The following FBXO11 variants were observed in gnomAD, a reference collection of about 807,000 sequenced individuals.
FBXO11 encodes the protein F-box protein 11, also known as F-box only protein 11.
FBXO11 carries 13 observed loss-of-function variants against 117.0 expected under a neutral mutation model. The observed-to-expected ratio is 0.11, with a 90% confidence interval of 0.07 to 0.18. The LOEUF (loss-of-function observed/expected upper bound fraction) is 0.18, where lower values mean the gene tolerates loss of function less well. Ranked by LOEUF, FBXO11 falls within the 10% of genes least tolerant of loss-of-function variation. The probability of loss-of-function intolerance (pLI) is 1.00; values close to 1 mark genes in which losing one functional copy is unlikely to be tolerated. For synonymous variants in FBXO11, 490 were observed against 380.5 expected (o/e 1.29, Z -3.35); for missense variants, 767 against 1,164.4 (o/e 0.66, Z 4.97).
chr2:47,808,458 C>G (rs1411928396), intron 21 of FBXO11, 31 bp from the exon 22 acceptor site: 3 of 1,534,950 alleles, frequency 2.0e-6, no homozygotes, highest in Non-Finnish European at 2.6e-6. Flanking sequence ...TTACTTTTCT[C>G]AAACATGTCA....
At chr2:47,856,163 C>T (rs752686805) in intron 1 of FBXO11, among the ~76,000 whole-genome samples, 3 of 152,070 alleles carry the variant, frequency 2.0e-5, no homozygotes, top group Non-Finnish European at 4.4e-5. Flanking sequence ...TCAGAAAATG[C>T]AAGTACAACA....
chr2:47,889,646 T>A (rs530613909), intron 1 of FBXO11, among the ~76,000 whole-genome samples: 1 of 146,004 alleles, frequency 6.8e-6, no homozygotes, highest in Admixed American at 6.8e-5. Context: ...TTTTTTTTTT[T>A]AACCAATAAT....
chr2:47,810,717 G>T, intron 18 of FBXO11: 1 of 263,464 alleles, frequency 3.8e-6, no homozygotes, highest in Non-Finnish European at 7.1e-6. Flanking sequence ...GTGCATAGGT[G>T]ATTCTCAATG....
At chr2:47,851,188 G>A (rs115073198) in intron 1 of FBXO11, among the ~76,000 whole-genome samples, 5,636 of 152,114 alleles carry the variant, frequency 0.037, 157 homozygotes, top group Non-Finnish European at 0.055. Context: ...CCTAACCTTG[G>A]ACTCACAGAC....
chr2:47,898,881 G>A (rs1264215807), intron 1 of FBXO11, among the ~76,000 whole-genome samples: 1 of 151,982 alleles, frequency 6.6e-6, no homozygotes, highest in Non-Finnish European at 1.5e-5. Flanking sequence ...AATCAATTTT[G>A]AAATTTTTTT....
At chr2:47,872,276 A>AT (rs1675678540) in intron 1 of FBXO11, among the ~76,000 whole-genome samples, 2 of 152,234 alleles carry the variant, frequency 1.3e-5, no homozygotes, top group African/African-American at 2.4e-5. Context: ...CCTGGCAGTC[A>AT]TCAAGGGATG....
At position 47,813,880 on chromosome 2, in the gene FBXO11, T is replaced by A; in HGVS notation, c.2007-13A>T. On this transcript the variant is annotated splice_polypyrimidine_tract_variant and intron_variant, in intron 16 of 22. Coordinates refer to ENST00000403359, the MANE Select transcript of FBXO11 (RefSeq NM_001190274.2). ...GTTGCTTCCAGTCCTGTAAACAGAA[T>A]AGACAATAATACCATTTCAATAGCT... is the stretch of plus-strand genomic sequence containing the variant. 1.3e-6 allele frequency: 2 copies of A among 1,585,754 alleles called. No individual in the cohort carries two copies. Among genetic ancestry groups the A allele is most frequent in the Non-Finnish European group, 1.7e-6 (2 of 1,154,512 alleles).
intron 7 of FBXO11, 70 bp downstream of exon 7, chr2:47,834,509 G>C: frequency 8.3e-7 from 1 of 1,204,846 alleles, no homozygotes; most frequent in South Asian, 1.9e-5. Context: ...TAAGTCACTA[G>C]CATTTTTAAA....
At chr2:47,880,504 T>G (rs1288376260) in intron 1 of FBXO11, among the ~76,000 whole-genome samples, 2 of 152,220 alleles carry the variant, frequency 1.3e-5, no homozygotes, top group African/African-American at 4.8e-5. Flanking sequence ...AATCAGAATG[T>G]CCAGTGTTTT....
chr2:47,888,608 T>C lies in FBXO11; in HGVS notation c.232+16881A>G, dbSNP rs79072790. ...TCTTTTAAAAATTACTTTCAACCACTCTGAAAGGTTAACTTACTTTTAGGC... is the reference window on the plus strand; with the variant it reads ...TCTTTTAAAAATTACTTTCAACCACCCTGAAAGGTTAACTTACTTTTAGGC... On this transcript the variant is annotated intron_variant, in intron 1 of 22. Coordinates refer to ENST00000403359, the MANE Select transcript of FBXO11 (RefSeq NM_001190274.2). 4,930 of 890,422 alleles carry C rather than the reference T, an allele frequency of 5.5e-3. 222 individuals carry two copies. In the African/African-American group the frequency reaches 0.083, roughly 15 times the overall value. 55.2% of individuals were successfully genotyped at this position (890,422 alleles called of 1,614,324 possible).
chr2:47,815,669 G>C lies in FBXO11; in HGVS notation c.2007-1802C>G, dbSNP rs543457780. On this transcript the variant is annotated intron_variant, in intron 16 of 22. Transcript: ENST00000403359. ...ATTTCAGAGGACTTTAGCAAAGCCT[G>C]GTTGAAATTGGCCAAGTGTTAGAAG... Among the ~76,000 whole-genome samples, 4 of 152,328 alleles carry C rather than the reference G, an allele frequency of 2.6e-5. No homozygotes were observed. The South Asian group carries it at 6.2e-4, about 24-fold the overall frequency.
intron 1 of FBXO11, among the ~76,000 whole-genome samples, chr2:47,879,826 T>C (rs918054046): frequency 1.3e-5 from 2 of 152,224 alleles, no homozygotes; most frequent in African/African-American, 2.4e-5. Context: ...TTGACTACTT[T>C]AGATATCTCA....
At chr2:47,875,368 TCTC>T (rs1338231802) in intron 1 of FBXO11, among the ~76,000 whole-genome samples, 1 of 152,180 alleles carries the variant, frequency 6.6e-6, no homozygotes, top group Non-Finnish European at 1.5e-5. Context: ...AATTCGTATG[TCTC>T]CTAAATTTTT....
intron 1 of FBXO11, among the ~76,000 whole-genome samples, chr2:47,894,309 A>G (rs1389434687): frequency 6.6e-6 from 1 of 152,212 alleles, no homozygotes; most frequent in Non-Finnish European, 1.5e-5. Flanking sequence ...TTTTAAAATA[A>G]GCTTATTGTA....
chr2:47,815,479 G>A (rs1670944171), intron 16 of FBXO11, among the ~76,000 whole-genome samples: 1 of 152,174 alleles, frequency 6.6e-6, no homozygotes, highest in Non-Finnish European at 1.5e-5. Flanking sequence ...CAGGAACCAG[G>A]AGGGAAGGAC....
At chr2:47,904,047 T>C (rs1230542690) in intron 1 of FBXO11, among the ~76,000 whole-genome samples, 1 of 152,216 alleles carries the variant, frequency 6.6e-6, no homozygotes, top group Non-Finnish European at 1.5e-5. Flanking sequence ...CCTTTAACAG[T>C]GACTGGTGAA....
At chr2:47,847,754 C>T (rs962032195) in intron 1 of FBXO11, among the ~76,000 whole-genome samples, 1 of 151,616 alleles carries the variant, frequency 6.6e-6, no homozygotes, top group African/African-American at 2.4e-5. Flanking sequence ...GGACCACCAT[C>T]ATATACAGTC....
chr2:47,888,151 T>G (rs1277763647), intron 1 of FBXO11, among the ~76,000 whole-genome samples: 1 of 152,150 alleles, frequency 6.6e-6, no homozygotes, highest in Non-Finnish European at 1.5e-5. Flanking sequence ...TCTGAGAGAG[T>G]ATTCCATGCT....
intron 1 of FBXO11, among the ~76,000 whole-genome samples, chr2:47,855,151 A>G (rs1452272998): frequency 3.9e-5 from 6 of 152,092 alleles, no homozygotes; most frequent in Admixed American, 1.3e-4. Context: ...TTCAATTTCT[A>G]ATGTTTAAAA....
Sources: allele counts gnomAD v4.1 joint callset (sites outside exome capture counted in the v4.1 genomes callset), GRCh38; gene constraint gnomAD v4.1.1; transcripts MANE v1.5; gene names NCBI Gene and HGNC (gene_info 2026-07-23, HGNC 2026-07-21).